The following SLIT3 variants were observed in gnomAD, a reference collection of about 807,000 sequenced individuals.
SLIT3 encodes slit homolog 3 protein.
A neutral mutation model predicts 184.0 loss-of-function variants in SLIT3; 68 were observed. That is an observed-to-expected ratio of 0.37 (90% CI 0.30 to 0.45). The LOEUF is 0.45. Ranked by LOEUF, SLIT3 falls within the 20% of genes least tolerant of loss-of-function variation. The pLI, the probability that SLIT3 is intolerant of heterozygous loss-of-function variation, is 1.00. For missense variants in SLIT3, 1,707 were observed against 2,026.0 expected, an observed-to-expected ratio of 0.84 and a Z score of 3.02; for synonymous variants, 831 against 828.6, an observed-to-expected ratio of 1.00 and a Z score of -0.05.
At chr5:169,037,482 A>G (rs956922172) in intron 4 of SLIT3, among the ~76,000 whole-genome samples, 8 of 152,048 alleles carry the variant, frequency 5.3e-5, no homozygotes, top group Non-Finnish European at 1.0e-4. Context: ...ATAGAAAAAT[A>G]ATACACCCTT....
At chr5:168,692,039 C>G (rs1761922478) in intron 29 of SLIT3, among the ~76,000 whole-genome samples, 1 of 152,200 alleles carries the variant, frequency 6.6e-6, no homozygotes, top group Non-Finnish European at 1.5e-5. Context: ...CTCACGTGCT[C>G]CCCTGGCTCC....
At chr5:169,288,760 C>T (rs1767243245) in intron 1 of SLIT3, among the ~76,000 whole-genome samples, 1 of 152,168 alleles carries the variant, frequency 6.6e-6, no homozygotes, top group South Asian at 2.1e-4. Flanking sequence ...CCTCTAAACT[C>T]CACCTGGTTA....
At chr5:169,184,980 T>C (rs1217295508) in intron 4 of SLIT3, among the ~76,000 whole-genome samples, 2 of 152,220 alleles carry the variant, frequency 1.3e-5, no homozygotes, top group African/African-American at 4.8e-5. Flanking sequence ...GGCTTTGTTA[T>C]CAACTCTGTG....
At chr5:169,231,114 A>C (rs1764986430) in intron 3 of SLIT3, among the ~76,000 whole-genome samples, 1 of 152,208 alleles carries the variant, frequency 6.6e-6, no homozygotes. Flanking sequence ...TGGAGTTTGC[A>C]ATGTCCCATA....
At chr5:168,977,128 A>G (rs1340918402) in intron 4 of SLIT3, among the ~76,000 whole-genome samples, 3 of 152,188 alleles carry the variant, frequency 2.0e-5, no homozygotes, top group Non-Finnish European at 2.9e-5. Context: ...AAGAAATGAA[A>G]TAACCTCAAC....
In SLIT3 at chr5:168,749,583, T is replaced by C; in HGVS notation, c.2026A>G (p.Lys676Glu). 1 of 1,614,182 alleles carries C rather than the reference T, an allele frequency of 6.2e-7. No homozygotes were observed. The highest frequency in any genetic ancestry group is 8.5e-7 in the Non-Finnish European group (1 of 1,180,028). The part of the protein sequence containing the change: ...NCNCHLAWLG[K>E]WLRKRRIVSG... ...ACGATCCGCCTCTTCCTCAACCACT[T>C]GCCGAGCCAGGCCAGGTGGCAGTTG... Residue 676 changes from lysine to glutamate, a missense_variant, in exon 19 of 36, where the codon AAG becomes GAG. By Grantham distance (56) the Lys-to-Glu change is moderately conservative. Transcript: ENST00000519560.
intron 3 of SLIT3, among the ~76,000 whole-genome samples, chr5:169,197,008 G>C (rs1415655129): frequency 1.3e-5 from 2 of 152,128 alleles, no homozygotes; most frequent in African/African-American, 4.8e-5. Flanking sequence ...CTAAAACCCA[G>C]CTTGCTGCTG....
chr5:168,804,866 T>A (rs1756903390), intron 9 of SLIT3, among the ~76,000 whole-genome samples: 1 of 152,194 alleles, frequency 6.6e-6, no homozygotes, highest in Non-Finnish European at 1.5e-5. Flanking sequence ...CTTACCTCTC[T>A]GATCTCATCC....
chr5:168,953,154 A>G (rs548733779), intron 4 of SLIT3, among the ~76,000 whole-genome samples: 2 of 152,316 alleles, frequency 1.3e-5, no homozygotes, highest in African/African-American at 4.8e-5. Flanking sequence ...CTAGTTGGGA[A>G]CAGGACTCAA....
chr5:169,230,874 A>G (rs1422664351), intron 3 of SLIT3, among the ~76,000 whole-genome samples: 1 of 152,202 alleles, frequency 6.6e-6, no homozygotes, highest in Non-Finnish European at 1.5e-5. Context: ...AAAAGTTTTC[A>G]GTCACGAAAA....
At chr5:168,870,842 T>C (rs1446371397) in intron 5 of SLIT3, among the ~76,000 whole-genome samples, 1 of 152,218 alleles carries the variant, frequency 6.6e-6, no homozygotes, top group Non-Finnish European at 1.5e-5. Context: ...CACCAGAGTT[T>C]CTCAGAATAC....
At chr5:168,688,568 G>A (rs1026245545) in intron 29 of SLIT3, among the ~76,000 whole-genome samples, 6 of 152,164 alleles carry the variant, frequency 3.9e-5, no homozygotes, top group Admixed American at 6.5e-5. Context: ...ATGTGTCCTC[G>A]ACTGGAACAA....
At chr5:169,042,301 T>G (rs2113026184) in intron 4 of SLIT3, among the ~76,000 whole-genome samples, 1 of 152,296 alleles carries the variant, frequency 6.6e-6, no homozygotes, top group South Asian at 2.1e-4. Context: ...TTCCAAGATC[T>G]CATGAAAAAT....
intron 12 of SLIT3, among the ~76,000 whole-genome samples, chr5:168,784,352 A>G (rs1035406047): frequency 6.6e-6 from 1 of 152,178 alleles, no homozygotes; most frequent in African/African-American, 2.4e-5. Context: ...AGCCCACCAA[A>G]GGCTGGGACC....
chr5:168,968,732 C>T (rs539081022), intron 4 of SLIT3, among the ~76,000 whole-genome samples: 3 of 152,334 alleles, frequency 2.0e-5, no homozygotes, highest in South Asian at 2.1e-4. Context: ...GTCTTGGCTA[C>T]ACACCTCTGT....
At chr5:168,765,675 G>C (rs1384669560) in intron 14 of SLIT3, among the ~76,000 whole-genome samples, 1 of 152,206 alleles carries the variant, frequency 6.6e-6, no homozygotes, top group African/African-American at 2.4e-5. Context: ...GTCACTGCCA[G>C]AAATACTTAG....
At chr5:168,720,083 T>G (rs1454227887) in intron 23 of SLIT3, 1 of 151,974 alleles carries the variant, frequency 6.6e-6, no homozygotes, top group Non-Finnish European at 1.5e-5. Flanking sequence ...CTGGCTAATT[T>G]TTTGAATTTT....
chr5:169,114,519 C>A (rs1373518129), intron 4 of SLIT3, among the ~76,000 whole-genome samples: 1 of 152,210 alleles, frequency 6.6e-6, no homozygotes, highest in Admixed American at 6.5e-5. Context: ...GAACAACCCC[C>A]AGACTCAGTC....
chr5:168,850,720 C>T (rs1452047121), intron 5 of SLIT3, among the ~76,000 whole-genome samples: 1 of 152,212 alleles, frequency 6.6e-6, no homozygotes, highest in Non-Finnish European at 1.5e-5. Context: ...TGCCACATAG[C>T]TAGCATAACA....
Sources: allele counts gnomAD v4.1 joint callset (sites outside exome capture counted in the v4.1 genomes callset), GRCh38; gene constraint gnomAD v4.1.1; transcripts MANE v1.5; gene names NCBI Gene and HGNC (gene_info 2026-07-23, HGNC 2026-07-21).